CACNA1E: variants seen among roughly 807,000 people sequenced by gnomAD.
The protein encoded by CACNA1E is calcium voltage-gated channel subunit alpha1 E.
Under a neutral mutation model 259.2 loss-of-function variants are expected in CACNA1E, and 40 were observed. That is an observed-to-expected ratio of 0.15 (90% CI 0.12 to 0.20). The LOEUF (loss-of-function observed/expected upper bound fraction) is 0.20, where lower values mean the gene tolerates loss of function less well. CACNA1E is among the 10% of genes least tolerant of loss of function. The pLI is 1.00. For missense variants in CACNA1E, 1,874 were observed against 3,040.1 expected (o/e 0.62, Z 9.02); for synonymous variants, 1,104 against 1,138.5 (o/e 0.97, Z 0.61).
chr1:181,557,726 C>T (rs576791034), intron 3 of CACNA1E, among the ~76,000 whole-genome samples: 22 of 152,260 alleles, frequency 1.4e-4, no homozygotes, highest in African/African-American at 4.6e-4. Context: ...TCATGTTATC[C>T]GCTGGGCAGA....
At chr1:181,731,807 T>G (rs1276418290) in intron 19 of CACNA1E, among the ~76,000 whole-genome samples, 1 of 152,056 alleles carries the variant, frequency 6.6e-6, no homozygotes, top group African/African-American at 2.4e-5. Context: ...CTGGCTTTTA[T>G]TAGCTATTGT....
chr1:181,481,543 C>T (rs893016253), upstream of CACNA1E, among the ~76,000 whole-genome samples: 3 of 152,264 alleles, frequency 2.0e-5, no homozygotes, highest in Admixed American at 6.5e-5. Context: ...GGTTTCCAAC[C>T]TCTGGGCTTT....
At chr1:181,584,561 T>C (rs1366947579) in intron 6 of CACNA1E, among the ~76,000 whole-genome samples, 2 of 152,240 alleles carry the variant, frequency 1.3e-5, no homozygotes, top group South Asian at 2.1e-4. Context: ...ATTTATTAAA[T>C]GGTTAACAGC....
At position 181,532,664 on chromosome 1, in the gene CACNA1E, A is replaced by C. The variant is rs1485409578; in HGVS notation, c.512+21154A>C. On this transcript the variant is annotated intron_variant, in intron 3 of 47. Coordinates refer to ENST00000367573, the MANE Select transcript of CACNA1E (RefSeq NM_001205293.3). ...TCAGTGAACTGAAGCTTTCCCCTTT[A>C]AGCCAACACTTCACTCTCCCCAAGC... 2.0e-5 allele frequency among the ~76,000 whole-genome samples: 3 copies of C among 152,212 alleles called. No individual in the cohort carries two copies. The East Asian group carries it at 5.8e-4, about 29-fold the overall frequency.
intron 2 of CACNA1E, among the ~76,000 whole-genome samples, chr1:181,440,746 G>A (rs893513439): frequency 6.6e-6 from 1 of 151,948 alleles, no homozygotes; most frequent in Admixed American, 6.6e-5. Context: ...ATCCAGGCTG[G>A]GGTAGGCCTT....
chr1:181,741,492 T>C (rs896285908), intron 25 of CACNA1E, among the ~76,000 whole-genome samples: 6 of 152,232 alleles, frequency 3.9e-5, no homozygotes, highest in Non-Finnish European at 7.3e-5. Context: ...AAGTACATAT[T>C]GATGCACAAT....
intron 3 of CACNA1E, among the ~76,000 whole-genome samples, chr1:181,555,354 A>G (rs1020898792): frequency 7.9e-5 from 12 of 152,356 alleles, no homozygotes; most frequent in Non-Finnish European, 1.2e-4. Context: ...TCTTTCATCT[A>G]GAGCGAATCT....
rs534518218 is a variant in CACNA1E at position 181,798,976 on chromosome 1, A to C, written c.*142A>C. The C allele has an allele frequency of 1.3e-6, 1 of 744,870 alleles. No individual in the cohort carries two copies. Among genetic ancestry groups the C allele is most frequent in the South Asian group, 2.8e-5 (1 of 35,244 alleles). 46.1% of individuals were successfully genotyped at this position (744,870 alleles called of 1,614,324 possible). A position where few individuals can be genotyped will look rare whatever the true frequency, so the allele number is the denominator to read the frequency against. ...CATGCATTATCAGAGAAGAGGAAGT[A>C]AAGGACAATCAGAACACCAGTCAAA... On this transcript the variant is annotated 3_prime_UTR_variant, in exon 48 of 48. Transcript: ENST00000367573. The surrounding 1 kb of genome is among the most constrained non-coding windows in gnomAD (Gnocchi z 4.2).
At chr1:181,521,244 G>C (rs74130020) in intron 3 of CACNA1E, among the ~76,000 whole-genome samples, 1 of 152,130 alleles carries the variant, frequency 6.6e-6, no homozygotes, top group Admixed American at 6.5e-5. Context: ...TCACTGTGGG[G>C]GTCCCTGCAT....
chr1:181,392,832 G>A (rs1324694267), intron 1 of CACNA1E, among the ~76,000 whole-genome samples: 1 of 152,148 alleles, frequency 6.6e-6, no homozygotes, highest in African/African-American at 2.4e-5. Flanking sequence ...CAAGAGAGAG[G>A]CTGAGATGGG....
At chr1:181,785,894 T>C (rs1171722081) in intron 43 of CACNA1E, 75 bp downstream of exon 43, 2 of 910,856 alleles carry the variant, frequency 2.2e-6, no homozygotes, top group African/African-American at 1.7e-5. Flanking sequence ...ACCCCAAAAC[T>C]CACTGCTCAG....
intron 6 of CACNA1E, among the ~76,000 whole-genome samples, chr1:181,586,741 A>T (rs1388726203): frequency 2.0e-5 from 3 of 152,084 alleles, no homozygotes; most frequent in African/African-American, 7.2e-5. Context: ...ATTCATATTT[A>T]CTCTTTCAAA....
chr1:181,770,981 T>C (rs1471651677), intron 35 of CACNA1E, among the ~76,000 whole-genome samples: 1 of 152,172 alleles, frequency 6.6e-6, no homozygotes, highest in Non-Finnish European at 1.5e-5. Flanking sequence ...ACAGGTACCA[T>C]GGAACTAAAA....
intron 3 of CACNA1E, among the ~76,000 whole-genome samples, chr1:181,539,400 A>G (rs1051012556): frequency 6.6e-5 from 10 of 152,224 alleles, no homozygotes; most frequent in African/African-American, 2.4e-4. Flanking sequence ...TGAATTAATG[A>G]ATGAATGAAT....
At chr1:181,750,398 C>A in intron 25 of CACNA1E, 78 bp from the exon 26 acceptor site, 2 of 1,297,254 alleles carry the variant, frequency 1.5e-6, no homozygotes, top group Non-Finnish European at 2.2e-6. Context: ...GACTGTCTTT[C>A]TTCTCTCTAC....
At chr1:181,754,204 G>A (rs1657859110) in intron 27 of CACNA1E, among the ~76,000 whole-genome samples, 1 of 152,196 alleles carries the variant, frequency 6.6e-6, no homozygotes. Context: ...GCCAGAGAAA[G>A]CACCCTGCAA....
At chr1:181,482,821 C>T (rs899840885), upstream of CACNA1E, among the ~76,000 whole-genome samples, 1 of 151,546 alleles carries the variant, frequency 6.6e-6, no homozygotes, top group African/African-American at 2.5e-5. Flanking sequence ...GCTCGCCGCC[C>T]GCCCGCTCGC....
chr1:181,480,067 G>A (rs1299780714), upstream of CACNA1E, among the ~76,000 whole-genome samples: 1 of 152,162 alleles, frequency 6.6e-6, no homozygotes, highest in Non-Finnish European at 1.5e-5. Context: ...GATTGCTTGA[G>A]CCTAGGAGTT....
In CACNA1E at chr1:181,714,104, G is replaced by A. The variant is rs1483978396; in HGVS notation, c.1172-1234G>A. On this transcript the variant is annotated intron_variant, in intron 8 of 47. Transcript: ENST00000367573. ...CATAGACCCCACAGGTTAAAGGCTC[G>A]GTTCCACAGGACTGCCCCCACTTTA... is the stretch of plus-strand genomic sequence containing the variant. Among the ~76,000 whole-genome samples, 12 of 152,042 alleles carry A rather than the reference G, an allele frequency of 7.9e-5. 1 individual carries two copies. The highest frequency in any genetic ancestry group is 1.8e-4 in the Non-Finnish European group (12 of 68,010).
Sources: gnomAD v4.1 joint callset for allele counts (sites outside exome capture counted in the v4.1 genomes callset) on GRCh38, gnomAD v4.1.1 for gene constraint, Gnocchi (gnomAD v3.1) non-coding constraint, MANE v1.5 for transcripts, NCBI Gene and HGNC (gene_info 2026-07-23, HGNC 2026-07-21) for gene names.